The following CDKN2B-AS1 variants were observed in gnomAD, a reference collection of about 807,000 sequenced individuals.
CDKN2B-AS1 encodes the protein CDKN2B antisense RNA 1 (non-protein coding).
intron 4 of CDKN2B-AS1, among the ~76,000 whole-genome samples, chr9:22,074,798 G>C (rs1824432339): frequency 6.6e-6 from 1 of 152,202 alleles, no homozygotes; most frequent in Non-Finnish European, 1.5e-5. Context: ...CTTTGTTCTG[G>C]AAAGCTCTAT....
At chr9:22,043,613 C>T (rs1412830) in intron 1 of CDKN2B-AS1, among the ~76,000 whole-genome samples, 37,581 of 151,768 alleles carry the variant, frequency 0.25, 5,966 homozygotes, top group Non-Finnish European at 0.37. Context: ...CAGTTGTTTA[C>T]GCTTTATTTC....
intron 4 of CDKN2B-AS1, among the ~76,000 whole-genome samples, chr9:22,124,861 A>G (rs542346689): frequency 3.9e-5 from 6 of 152,336 alleles, no homozygotes; most frequent in African/African-American, 4.8e-5. Flanking sequence ...AAAACAATCA[A>G]TCTTTTAAAG....
chr9:22,100,525 A>G (rs576349798), intron 4 of CDKN2B-AS1, among the ~76,000 whole-genome samples: 7 of 152,266 alleles, frequency 4.6e-5, no homozygotes, highest in African/African-American at 1.7e-4. Context: ...AAAATACTCT[A>G]TTTTATGTAT....
At chr9:22,060,912 C>T (rs1408901459) in intron 4 of CDKN2B-AS1, among the ~76,000 whole-genome samples, 2 of 152,072 alleles carry the variant, frequency 1.3e-5, no homozygotes, top group African/African-American at 4.8e-5. Flanking sequence ...GATCGGCCCT[C>T]GGGATTCAGT....
intron 1 of CDKN2B-AS1, among the ~76,000 whole-genome samples, chr9:22,019,180 T>G (rs549164018): frequency 6.6e-6 from 1 of 152,360 alleles, no homozygotes; most frequent in African/African-American, 2.4e-5. Context: ...TAGAGCTGTA[T>G]AGGCCATGTT....
At chr9:22,038,487 T>G (rs1189035020) in intron 1 of CDKN2B-AS1, among the ~76,000 whole-genome samples, 1 of 152,024 alleles carries the variant, frequency 6.6e-6, no homozygotes, top group African/African-American at 2.4e-5. Flanking sequence ...AGCTGCCTCT[T>G]TTAAAAATCT....
In CDKN2B-AS1 at chr9:21,998,274, T is replaced by C. The variant is rs3218016; in HGVS notation, n.29+3113T>C. On this transcript the variant is annotated intron_variant and non_coding_transcript_variant, in intron 1 of 4. Coordinates refer to ENST00000650946, the Ensembl canonical transcript of CDKN2B-AS1. ...ATACTTTTGGAATGCGGAGTGACTA[T>C]TGGCTATGTGCTCTTCAAAAAATTA... Among the ~76,000 whole-genome samples the C allele has an allele frequency of 1.7e-3, 255 of 152,376 alleles. 5 individuals carry two copies. Among genetic ancestry groups the C allele is most frequent in the African/African-American group, 5.9e-3 (245 of 41,594 alleles).
rs1161984957 is a variant in CDKN2B-AS1, at chr9:21,997,510, A to G, written n.29+2349A>G. Among the ~76,000 whole-genome samples, 3 of 152,124 alleles carry G rather than the reference A, an allele frequency of 2.0e-5. No homozygotes were observed. Among genetic ancestry groups the G allele is most frequent in the Non-Finnish European group, 2.9e-5 (2 of 68,020 alleles). On this transcript the variant is annotated intron_variant and non_coding_transcript_variant, in intron 1 of 4. Coordinates refer to ENST00000650946, the Ensembl canonical transcript of CDKN2B-AS1. This position sits in a 1 kb window ranked among gnomAD's most constrained non-coding sequence, Gnocchi z 4.8. ...GAGAGAGAGAGAGAGAGAGAAAGAG[A>G]AAGAGAGAAAATACTTATTTTAAGG...
At chr9:22,103,346 G>T (rs1825556069) in intron 4 of CDKN2B-AS1, among the ~76,000 whole-genome samples, 1 of 152,096 alleles carries the variant, frequency 6.6e-6, no homozygotes, top group African/African-American at 2.4e-5. Flanking sequence ...GGCTATTGGG[G>T]CATTGAGAAG....
At chr9:22,076,581 C>T (rs1229844873) in intron 4 of CDKN2B-AS1, among the ~76,000 whole-genome samples, 5 of 152,206 alleles carry the variant, frequency 3.3e-5, no homozygotes, top group African/African-American at 1.2e-4. Flanking sequence ...ACATCTCCAT[C>T]ATCTCACATA....
chr9:22,024,156 G>A (rs1822129714), intron 1 of CDKN2B-AS1, among the ~76,000 whole-genome samples: 2 of 152,182 alleles, frequency 1.3e-5, no homozygotes, highest in South Asian at 2.1e-4. Context: ...GTTTGATTGT[G>A]TTATAAGGTC....
At chr9:22,088,655 A>G (rs1263268381) in intron 4 of CDKN2B-AS1, among the ~76,000 whole-genome samples, 1 of 152,204 alleles carries the variant, frequency 6.6e-6, no homozygotes, top group Non-Finnish European at 1.5e-5. Context: ...AAATACACCA[A>G]AGTGGAGAAT....
intron 4 of CDKN2B-AS1, among the ~76,000 whole-genome samples, chr9:22,077,006 A>G (rs1824520668): frequency 6.6e-6 from 1 of 152,106 alleles, no homozygotes; most frequent in Non-Finnish European, 1.5e-5. Flanking sequence ...AATATTAACT[A>G]TAGTTGGCAG....
At chr9:22,085,405 C>T (rs1242610925) in intron 4 of CDKN2B-AS1, among the ~76,000 whole-genome samples, 1 of 152,132 alleles carries the variant, frequency 6.6e-6, no homozygotes, top group Non-Finnish European at 1.5e-5. Context: ...TGTTCTGGCC[C>T]CACACCAAGG....
chr9:22,091,937 C>T (rs1027753772), intron 4 of CDKN2B-AS1, among the ~76,000 whole-genome samples: 11 of 152,142 alleles, frequency 7.2e-5, no homozygotes, highest in African/African-American at 2.7e-4. Context: ...TTTGCCCATT[C>T]AGTATGATAT....
intron 1 of CDKN2B-AS1, chr9:22,029,592 G>A: frequency 2.8e-6 from 2 of 726,446 alleles, no homozygotes; most frequent in Non-Finnish European, 5.2e-6. Flanking sequence ...CACACCTATT[G>A]CTGTAAGTGC....
chr9:22,068,532 G>T (rs1824156208), intron 4 of CDKN2B-AS1, among the ~76,000 whole-genome samples: 1 of 152,190 alleles, frequency 6.6e-6, no homozygotes, highest in South Asian at 2.1e-4. Flanking sequence ...GTGGTTTACA[G>T]AAGGAATCTA....
At chr9:22,084,042 C>T (rs1824787342) in intron 4 of CDKN2B-AS1, among the ~76,000 whole-genome samples, 1 of 152,182 alleles carries the variant, frequency 6.6e-6, no homozygotes, top group Admixed American at 6.5e-5. Flanking sequence ...CCTTTCTTAA[C>T]AGTTCCTTAA....
intron 4 of CDKN2B-AS1, among the ~76,000 whole-genome samples, chr9:22,062,986 C>CACACACACACACACAT (rs374229516): frequency 5.8e-5 from 8 of 136,770 alleles, no homozygotes; most frequent in South Asian, 2.5e-4. Flanking sequence ...GACACACACA[C>CACACACACACACACAT]ATATATATAT....
Sources: gnomAD v4.1 joint callset for allele counts (sites outside exome capture counted in the v4.1 genomes callset) on GRCh38, gnomAD v4.1.1 for gene constraint, Gnocchi (gnomAD v3.1) non-coding constraint, MANE v1.5 for transcripts, NCBI Gene and HGNC (gene_info 2026-07-23, HGNC 2026-07-21) for gene names.